Variants in ECHDC2 observed in about 807,000 individuals in gnomAD.
ECHDC2 encodes the protein enoyl-CoA hydratase domain-containing protein 2, mitochondrial.
Under a neutral mutation model 40.6 loss-of-function variants are expected in ECHDC2, and 34 were observed. The observed-to-expected ratio is 0.84, with a 90% CI of 0.64 to 1.11. The LOEUF is 1.11. Ranked by LOEUF, ECHDC2 falls within the 50% of genes most tolerant of loss-of-function variation. The pLI is 0.00. For synonymous variants in ECHDC2, 162 were observed against 166.6 expected, an observed-to-expected ratio of 0.97 and a Z score of 0.21; for missense variants, 392 against 400.7, an observed-to-expected ratio of 0.98 and a Z score of 0.19.
intron 9 of ECHDC2, chr1:52,896,984 T>A (rs1229614493): frequency 1.4e-5 from 4 of 287,642 alleles, no homozygotes; most frequent in Non-Finnish European, 2.6e-5. Flanking sequence ...TTAGGAGTAT[T>A]TTGGATATCT....
Position 52,896,523 on chromosome 1 carries a change from T to C in ECHDC2, c.876A>G (p.Lys292=). 6.2e-7 allele frequency: 1 copy of C among 1,613,862 alleles called. No homozygotes were observed. The change falls in exon 10 of 10, where the codon AAA becomes AAG. Residue 292 remains lysine, a synonymous_variant. Transcript: ENST00000371522. ...ATGCTGAAGGTTAAAATGGGGGTCATTTGCCAACAAATTTGGGAGTCCGCT... is the reference window on the plus strand; with the variant it reads ...ATGCTGAAGGTTAAAATGGGGGTCACTTGCCAACAAATTTGGGAGTCCGCT... ...REKRTPKFVG[K] is the part of the protein sequence containing the mutation.
chr1:52,904,943 G>C (rs1647366366), intron 6 of ECHDC2, 91 bp downstream of exon 6: 3 of 1,599,146 alleles, frequency 1.9e-6, no homozygotes, highest in Non-Finnish European at 8.6e-7. Flanking sequence ...GTTCAGGTGG[G>C]AGGGCAGAGC....
chr1:52,917,336 A>G (rs1484591805), intron 1 of ECHDC2, among the ~76,000 whole-genome samples: 1 of 152,194 alleles, frequency 6.6e-6, no homozygotes, highest in Non-Finnish European at 1.5e-5. Context: ...GATTTGCTCA[A>G]ATAACAGCTG....
intron 3 of ECHDC2, among the ~76,000 whole-genome samples, chr1:52,908,455 C>T (rs1212169962): frequency 1.3e-5 from 2 of 151,866 alleles, no homozygotes; most frequent in African/African-American, 2.4e-5. Context: ...GAGCTGAGAT[C>T]GCACCAACTG....
At position 52,921,718 on chromosome 1, in the gene ECHDC2, G is replaced by C. The variant is rs764412509; in HGVS notation, c.-45C>G. The C allele has an allele frequency of 3.5e-6, 5 of 1,437,000 alleles. No individual in the cohort carries two copies. The African/African-American group carries it at 5.9e-5, about 17-fold the overall frequency. 89.0% of individuals were successfully genotyped at this position (1,437,000 alleles called of 1,614,324 possible). On this transcript the variant is annotated 5_prime_UTR_variant, in exon 1 of 10. Coordinates refer to ENST00000371522, the MANE Select transcript of ECHDC2 (RefSeq NM_001198961.2). Reference sequence around the variant, plus strand: ...GAAGGTGCTTCTCCGGCCCTGCACCGTCTCGGCTCCCGCTGAGAGCTCGCA... The same window carrying C: ...GAAGGTGCTTCTCCGGCCCTGCACCCTCTCGGCTCCCGCTGAGAGCTCGCA...
At chr1:52,896,640 A>T in intron 9 of ECHDC2, 43 bp from the exon 10 acceptor site, 1 of 1,528,568 alleles carries the variant, frequency 6.5e-7, no homozygotes, top group Non-Finnish European at 9.1e-7. Flanking sequence ...GAGCAGGGCC[A>T]CAGGCCCAAA....
intron 7 of ECHDC2, among the ~76,000 whole-genome samples, chr1:52,903,582 G>A (rs1179749591): frequency 6.6e-6 from 1 of 151,724 alleles, no homozygotes; most frequent in African/African-American, 2.4e-5. Flanking sequence ...TGGGATTACA[G>A]GCTCGAACTA....
At chr1:52,904,124 G>T (rs557694842) in intron 7 of ECHDC2, among the ~76,000 whole-genome samples, 1 of 152,108 alleles carries the variant, frequency 6.6e-6, no homozygotes, top group Non-Finnish European at 1.5e-5. Context: ...CCCACATGTT[G>T]TATTTCAAGA....
At chr1:52,921,529 G>A (rs1338785826) in intron 1 of ECHDC2, 24 bp downstream of exon 1, 2 of 1,599,902 alleles carry the variant, frequency 1.3e-6, no homozygotes, top group South Asian at 1.1e-5. Flanking sequence ...CGCGTCATGC[G>A]CCGCCCCGGA....
chr1:52,907,938 C>T lies in ECHDC2; in HGVS notation c.294G>A (p.Glu98=). The change falls in exon 4 of 10, where the codon GAG becomes GAA. Residue 98 remains glutamate (E), a synonymous_variant. Transcript: ENST00000371522. ...CCTCTGCTTCACTCATCTGTTCCCG[C>T]TCCTTCAGGTCTGCACCTGCAGATG... ...GVFCAGADLK[E]REQMSEAEVG... is the part of the protein sequence containing the mutation. The T allele has an allele frequency of 6.2e-7, 1 of 1,614,172 alleles. No individual in the cohort carries two copies. The highest frequency in any genetic ancestry group is 8.5e-7 in the Non-Finnish European group (1 of 1,180,042).
At chr1:52,912,118 GCA>G (rs1165986181) in intron 1 of ECHDC2, 1 of 974,468 alleles carries the variant, frequency 1.0e-6, no homozygotes, top group Non-Finnish European at 1.3e-6. Context: ...ACACACACAA[GCA>G]CACATGCACC....
Position 52,907,939 on chromosome 1 carries a change from T to C in ECHDC2, c.293A>G (p.Glu98Gly). Residue 98 changes from glutamate (E) to glycine (G), a missense_variant, in exon 4 of 10, where the codon GAG becomes GGG. Glu to Gly is a moderately conservative substitution (Grantham distance 98). Coordinates refer to ENST00000371522, the MANE Select transcript of ECHDC2 (RefSeq NM_001198961.2). ...CTCTGCTTCACTCATCTGTTCCCGC[T>C]CCTTCAGGTCTGCACCTGCAGATGG... ...GVFCAGADLKEREQMSEAEVG... is the reference protein window; with the variant it reads ...GVFCAGADLKGREQMSEAEVG... 1 of 1,613,382 alleles carries C rather than the reference T, an allele frequency of 6.2e-7. No homozygotes were observed. The highest frequency in any genetic ancestry group is 8.5e-7 in the Non-Finnish European group (1 of 1,179,700).
At chr1:52,902,719 T>A (rs1340251444) in intron 7 of ECHDC2, among the ~76,000 whole-genome samples, 1 of 152,256 alleles carries the variant, frequency 6.6e-6, no homozygotes, top group East Asian at 1.9e-4. Context: ...GTTTTTAAAA[T>A]TTTGTACATA....
chr1:52,907,615 AAACTT>A, intron 4 of ECHDC2: 3 of 427,250 alleles, frequency 7.0e-6, no homozygotes, highest in Non-Finnish European at 1.2e-5. Flanking sequence ...ATGCTTGGGG[AAACTT>A]AACTGCTTTG....
chr1:52,900,064 T>C (rs1486041224), intron 7 of ECHDC2: 2 of 151,310 alleles, frequency 1.3e-5, no homozygotes, highest in South Asian at 2.1e-4. Context: ...ACAAAAAAGT[T>C]AGTATAAAGT....
At position 52,899,190 on chromosome 1, in the gene ECHDC2, A is replaced by T; in HGVS notation, c.737T>A (p.Ile246Asn). The change falls in exon 8 of 10, where the codon ATT (isoleucine) becomes AAT (asparagine). Residue 246 changes from isoleucine to asparagine, a missense_variant. By Grantham distance (149) the Ile-to-Asn change is moderately radical. Transcript: ENST00000371522. ...CCCTCTCACCTCCGTTCCTCGGTCAATGGCTACTTTGCCCAGCCGCACGGC... is the reference window on the plus strand; with the variant it reads ...CCCTCTCACCTCCGTTCCTCGGTCATTGGCTACTTTGCCCAGCCGCACGGC... ...PIAVRLGKVA[I>N]DRGTEVDIAS... The T allele has an allele frequency of 6.2e-7, 1 of 1,614,172 alleles. No homozygotes were observed. Among genetic ancestry groups the T allele is most frequent in the Non-Finnish European group, 8.5e-7 (1 of 1,180,038 alleles).
intron 3 of ECHDC2, among the ~76,000 whole-genome samples, chr1:52,909,911 G>A (rs904950566): frequency 1.3e-5 from 2 of 152,182 alleles, no homozygotes; most frequent in African/African-American, 4.8e-5. Flanking sequence ...AACAACCCAA[G>A]TATCTATCAA....
Position 52,919,340 on chromosome 1 carries a change from T to C in ECHDC2, c.121+2213A>G, listed in dbSNP as rs559151590. On this transcript the variant is annotated intron_variant, in intron 1 of 9. Transcript: ENST00000371522. ...AATCTTTTAGACTGTATTTTTACTG[T>C]GCCTTTTCTATGTTCAGATACACAT... is the stretch of plus-strand genomic sequence containing the variant. Among the ~76,000 whole-genome samples, 8 of 152,318 alleles carry C rather than the reference T, an allele frequency of 5.3e-5. No homozygotes were observed. The South Asian group carries it at 1.7e-3, about 32-fold the overall frequency.
chr1:52,914,246 C>G lies in ECHDC2; in HGVS notation c.122-2456G>C, dbSNP rs989800486. ...ATCAGAGGAGGCAGTGGCCTTTAAG[C>G]TGAGAGCTGACAGGAGAGTAGGAAT... On this transcript the variant is annotated intron_variant, in intron 1 of 9. Transcript: ENST00000371522. This position sits in a 1 kb window ranked among gnomAD's most constrained non-coding sequence, Gnocchi z 4.0. 1.3e-5 allele frequency among the ~76,000 whole-genome samples: 2 copies of G among 152,158 alleles called. No individual in the cohort carries two copies. The highest frequency in any genetic ancestry group is 6.5e-5 in the Admixed American group (1 of 15,272).
Sources: gnomAD v4.1 joint callset for allele counts (sites outside exome capture counted in the v4.1 genomes callset) on GRCh38, gnomAD v4.1.1 for gene constraint, Gnocchi (gnomAD v3.1) non-coding constraint, MANE v1.5 for transcripts, NCBI Gene and HGNC (gene_info 2026-07-23, HGNC 2026-07-21) for gene names.